KLF8: variants seen among roughly 807,000 people sequenced by gnomAD.
KLF8 encodes the protein KLF transcription factor 8.
In KLF8, 10 loss-of-function variants were observed where a neutral mutation model predicts 18.2. The observed-to-expected ratio is 0.55, with a 90% CI of 0.34 to 0.93. The LOEUF (loss-of-function observed/expected upper bound fraction) is 0.93, where lower values mean the gene tolerates loss of function less well. Among genes scored for constraint, KLF8 ranks in the 40% least tolerant of loss-of-function variants. The pLI is 0.02. For missense variants in KLF8, 264 were observed against 277.9 expected (o/e 0.95, Z 0.36); for synonymous variants, 109 against 97.3 (o/e 1.12, Z -0.71).
the KLF8 span, among the ~76,000 whole-genome samples, chrX:56,221,675 G>C: frequency 9.0e-6 from 1 of 111,080 alleles, no homozygotes; most frequent in African/African-American, 3.3e-5. Flanking sequence ...GGAGTTGTTC[G>C]TTCCTCCCCG....
chrX:56,133,346 C>G, the KLF8 span, among the ~76,000 whole-genome samples: 2 of 112,044 alleles, frequency 1.8e-5, no homozygotes. Flanking sequence ...TCCAGGGATG[C>G]AGGGATGGTT....
At chrX:56,227,874 A>AACAC (rs72391707), upstream of KLF8, among the ~76,000 whole-genome samples, 837 of 85,516 alleles carry the variant, frequency 9.8e-3, 5 homozygotes, top group African/African-American at 0.021. Flanking sequence ...CCCTAGCCCC[A>AACAC]ACACACACAC....
chrX:56,158,135 A>C, the KLF8 span, among the ~76,000 whole-genome samples: 2 of 111,778 alleles, frequency 1.8e-5, no homozygotes. Context: ...AGCACCATTT[A>C]TTAAATAGGG....
the KLF8 span, among the ~76,000 whole-genome samples, chrX:56,062,858 G>T: frequency 5.4e-5 from 6 of 110,472 alleles, no homozygotes; most frequent in African/African-American, 1.6e-4. Flanking sequence ...GGCTTTGTTT[G>T]CTCCTTTTCA....
chrX:56,140,963 C>T, the KLF8 span, among the ~76,000 whole-genome samples: 1 of 110,968 alleles, frequency 9.0e-6, no homozygotes, highest in Non-Finnish European at 1.9e-5. Flanking sequence ...GTTTACTTTG[C>T]ATTTGTTAAC....
the KLF8 span, among the ~76,000 whole-genome samples, chrX:56,155,304 A>G: frequency 9.0e-6 from 1 of 111,590 alleles, no homozygotes; most frequent in Non-Finnish European, 1.9e-5. Context: ...TGTCCTTTAA[A>G]GGGACATGCA....
At chrX:55,939,862 T>G in the KLF8 span, among the ~76,000 whole-genome samples, 1 of 111,549 alleles carries the variant, frequency 9.0e-6, no homozygotes, top group Non-Finnish European at 1.9e-5. Flanking sequence ...AATAACAGGC[T>G]CTGAAATTGA....
the KLF8 span, among the ~76,000 whole-genome samples, chrX:56,057,201 A>T: frequency 4.5e-5 from 5 of 111,453 alleles, no homozygotes; most frequent in African/African-American, 6.5e-5. Flanking sequence ...TGTGCCACAG[A>T]TATGGGTGGT....
chrX:56,142,449 G>A, the KLF8 span, among the ~76,000 whole-genome samples: 1 of 111,218 alleles, frequency 9.0e-6, no homozygotes, highest in Non-Finnish European at 1.9e-5. Context: ...AAACTTTGGA[G>A]TGATACAAGG....
the KLF8 span, among the ~76,000 whole-genome samples, chrX:56,110,068 G>A: frequency 9.0e-6 from 1 of 111,120 alleles, no homozygotes; most frequent in East Asian, 2.8e-4. Context: ...AGTTTGCTGA[G>A]GATAATGGCT....
chrX:56,219,673 CA>C, the KLF8 span, among the ~76,000 whole-genome samples: 1 of 111,285 alleles, frequency 9.0e-6, no homozygotes, highest in African/African-American at 3.3e-5. Context: ...CCCCCTACTT[CA>C]ATTCAGAACT....
chrX:56,102,731 TG>T, the KLF8 span, among the ~76,000 whole-genome samples: 1 of 111,523 alleles, frequency 9.0e-6, no homozygotes, highest in African/African-American at 3.3e-5. Context: ...TAAATGGGAT[TG>T]TATTCTTTTT....
intron 2 of KLF8, among the ~76,000 whole-genome samples, chrX:56,260,944 G>T (rs776641181): frequency 2.0e-4 from 22 of 111,290 alleles, no homozygotes; most frequent in African/African-American, 6.5e-4. Flanking sequence ...TTCTAATCTT[G>T]CATTACCACT....
At chrX:56,194,732 G>C in the KLF8 span, among the ~76,000 whole-genome samples, 12 of 112,224 alleles carry the variant, frequency 1.1e-4, no homozygotes, top group East Asian at 3.1e-3. Flanking sequence ...TTTGAGCTTT[G>C]AGAACGGACA....
At chrX:56,160,545 A>G in the KLF8 span, among the ~76,000 whole-genome samples, 2 of 111,501 alleles carry the variant, frequency 1.8e-5, no homozygotes, top group Non-Finnish European at 1.9e-5. Context: ...TAGGTTACTA[A>G]GGACTTGCTT....
At chrX:56,178,192 T>G in the KLF8 span, among the ~76,000 whole-genome samples, 2 of 112,473 alleles carry the variant, frequency 1.8e-5, no homozygotes, top group African/African-American at 6.5e-5. Context: ...TCTGCTTCGC[T>G]CACGCTGGGA....
At chrX:55,999,225 C>CT in the KLF8 span, among the ~76,000 whole-genome samples, 2 of 98,939 alleles carry the variant, frequency 2.0e-5, no homozygotes, top group Non-Finnish European at 2.0e-5. Context: ...CACTACCATG[C>CT]TTTTTTGGTT....
chrX:56,119,759 G>A, the KLF8 span, among the ~76,000 whole-genome samples: 16 of 108,468 alleles, frequency 1.5e-4, no homozygotes, highest in South Asian at 4.0e-4. Context: ...TTGTTTTAAC[G>A]TAGTCTAGTT....
chrX:56,162,971 T>C, the KLF8 span, among the ~76,000 whole-genome samples: 15 of 112,405 alleles, frequency 1.3e-4, no homozygotes, highest in Non-Finnish European at 1.9e-4. Flanking sequence ...TTATGTACCA[T>C]ATTTTCTTTA....
Sources: allele counts gnomAD v4.1 joint callset (sites outside exome capture counted in the v4.1 genomes callset), GRCh38; gene constraint gnomAD v4.1.1; transcripts MANE v1.5; gene names NCBI Gene and HGNC (gene_info 2026-07-23, HGNC 2026-07-21).